ALOX5AP: variants seen among roughly 807,000 people sequenced by gnomAD.
ALOX5AP encodes the protein arachidonate 5-lipoxygenase activating protein.
Under a neutral mutation model 18.5 loss-of-function variants are expected in ALOX5AP, and 9 were observed. The observed-to-expected ratio is 0.49, with a 90% CI of 0.29 to 0.85. The LOEUF (loss-of-function observed/expected upper bound fraction) is 0.85, where lower values mean the gene tolerates loss of function less well. Ranked by LOEUF, ALOX5AP falls within the 40% of genes least tolerant of loss-of-function variation. ALOX5AP has a pLI of 0.08. For missense variants in ALOX5AP, 172 were observed against 202.5 expected (o/e 0.85, Z 0.91); for synonymous variants, 81 against 78.6 (o/e 1.03, Z -0.16).
At chr13:30,751,067 G>T (rs1018536556) in intron 2 of ALOX5AP, among the ~76,000 whole-genome samples, 1 of 152,022 alleles carries the variant, frequency 6.6e-6, no homozygotes, top group Non-Finnish European at 1.5e-5. Flanking sequence ...GTAAAAGGGT[G>T]TTTTTTGTTT....
intron 2 of ALOX5AP, among the ~76,000 whole-genome samples, chr13:30,750,007 A>G (rs1011227800): frequency 1.4e-4 from 21 of 152,224 alleles, no homozygotes; most frequent in African/African-American, 5.1e-4. Flanking sequence ...AATCACATGA[A>G]ACCCGTGGTT....
chr13:30,746,137 A>G (rs536520628), intron 2 of ALOX5AP, among the ~76,000 whole-genome samples: 6 of 152,366 alleles, frequency 3.9e-5, no homozygotes, highest in Admixed American at 1.3e-4. Flanking sequence ...TCCAAATTGC[A>G]GAAGTGCCCT....
intron 1 of ALOX5AP, among the ~76,000 whole-genome samples, chr13:30,719,337 A>G (rs1951575433): frequency 6.6e-6 from 1 of 152,230 alleles, no homozygotes; most frequent in African/African-American, 2.4e-5. Flanking sequence ...TTGCATGCAC[A>G]TGGTGCACTC....
intron 1 of ALOX5AP, among the ~76,000 whole-genome samples, chr13:30,716,607 C>T (rs9551956): frequency 1.3e-5 from 2 of 152,270 alleles, no homozygotes; most frequent in East Asian, 1.9e-4. Flanking sequence ...AATATCAGCC[C>T]CCCTGCAATG....
intron 1 of ALOX5AP, among the ~76,000 whole-genome samples, chr13:30,722,641 T>C (rs1432626611): frequency 1.3e-5 from 2 of 152,186 alleles, no homozygotes; most frequent in African/African-American, 2.4e-5. Flanking sequence ...AAACTGTATC[T>C]GATATAGTTT....
At chr13:30,744,238 A>C in intron 2 of ALOX5AP, 79 bp downstream of exon 2, 1 of 1,263,590 alleles carries the variant, frequency 7.9e-7, no homozygotes, top group Non-Finnish European at 1.1e-6. Context: ...GACCACCCTT[A>C]ATACCACATG....
At chr13:30,758,149 C>T (rs146723299) in intron 4 of ALOX5AP, among the ~76,000 whole-genome samples, 77 of 152,284 alleles carry the variant, frequency 5.1e-4, no homozygotes, top group African/African-American at 1.8e-3. Context: ...GTAATAGATA[C>T]TAGAAGAAAT....
At chr13:30,763,891 A>T in intron 4 of ALOX5AP, 53 bp from the exon 5 acceptor site, 1 of 1,540,844 alleles carries the variant, frequency 6.5e-7, no homozygotes, top group Admixed American at 1.8e-5. Flanking sequence ...TGTGTGTGTG[A>T]AATTGGTGTC....
chr13:30,748,908 C>A (rs1054322415), intron 2 of ALOX5AP, among the ~76,000 whole-genome samples: 1 of 152,244 alleles, frequency 6.6e-6, no homozygotes, highest in Non-Finnish European at 1.5e-5. Flanking sequence ...ACACGAGCAG[C>A]CACTGGGCAG....
At chr13:30,753,199 G>T (rs186979253) in intron 3 of ALOX5AP, among the ~76,000 whole-genome samples, 1 of 152,200 alleles carries the variant, frequency 6.6e-6, no homozygotes, top group Non-Finnish European at 1.5e-5. Flanking sequence ...TTCAGTGATA[G>T]AGAGCAGAGG....
intron 1 of ALOX5AP, among the ~76,000 whole-genome samples, chr13:30,728,666 C>G (rs1320416464): frequency 6.6e-6 from 1 of 152,202 alleles, no homozygotes; most frequent in African/African-American, 2.4e-5. Flanking sequence ...GCCTGGGTAA[C>G]AGTGATACCC....
At chr13:30,733,749 A>G, upstream of ALOX5AP, among the ~76,000 whole-genome samples, 1 of 152,236 alleles carries the variant, frequency 6.6e-6, no homozygotes, top group East Asian at 1.9e-4. Flanking sequence ...CCTGAATAGA[A>G]CAAAAAGCGG....
intron 2 of ALOX5AP, among the ~76,000 whole-genome samples, chr13:30,745,423 G>C (rs1216492814): frequency 6.6e-6 from 1 of 152,128 alleles, no homozygotes; most frequent in East Asian, 1.9e-4. Context: ...GACAGCCCCT[G>C]AGTACTCACA....
chr13:30,762,606 GA>G (rs1256592322), intron 4 of ALOX5AP, among the ~76,000 whole-genome samples: 1 of 150,008 alleles, frequency 6.7e-6, no homozygotes, highest in Non-Finnish European at 1.5e-5. Context: ...AAAAAGAAAA[GA>G]AAAAGAAAAA....
intron 1 of ALOX5AP, among the ~76,000 whole-genome samples, chr13:30,718,935 C>G (rs1256859468): frequency 2.6e-5 from 4 of 152,248 alleles, no homozygotes; most frequent in African/African-American, 9.6e-5. Flanking sequence ...TCTTGAGTGA[C>G]AGCAGCATCT....
At chr13:30,718,232 C>T (rs371338675) in intron 1 of ALOX5AP, among the ~76,000 whole-genome samples, 70 of 151,934 alleles carry the variant, frequency 4.6e-4, no homozygotes, top group African/African-American at 1.6e-3. Flanking sequence ...GTGCTGGGAT[C>T]ACAGGTGTGA....
At chr13:30,763,647 A>T (rs555301051) in intron 4 of ALOX5AP, among the ~76,000 whole-genome samples, 1 of 152,200 alleles carries the variant, frequency 6.6e-6, no homozygotes, top group Non-Finnish European at 1.5e-5. Context: ...CAGGCCATCA[A>T]GGAGCTCTGG....
At chr13:30,756,805 C>A (rs1593444730) in intron 4 of ALOX5AP, among the ~76,000 whole-genome samples, 1 of 62,292 alleles carries the variant, frequency 1.6e-5, no homozygotes. Flanking sequence ...AAAAGCAAAA[C>A]TCCATCTCAA....
chr13:30,722,958 T>C lies in ALOX5AP; in HGVS notation c.116+9117T>C, dbSNP rs370845722. On this transcript the variant is annotated intron_variant, in intron 1 of 5. Transcript: ENST00000617770. ...TCACCAGAAGCAGATGTTGGTTCCA[T>C]GCTTCTTGTACAGCCTGCAGAACCA... is the stretch of plus-strand genomic sequence containing the variant. Among the ~76,000 whole-genome samples, 26 of 152,334 alleles carry C rather than the reference T, an allele frequency of 1.7e-4. 1 individual carries two copies. Among genetic ancestry groups the C allele is most frequent in the East Asian group, 1.2e-3 (6 of 5,186 alleles).
Sources: allele counts gnomAD v4.1 joint callset (sites outside exome capture counted in the v4.1 genomes callset), GRCh38; gene constraint gnomAD v4.1.1; transcripts MANE v1.5; gene names NCBI Gene and HGNC (gene_info 2026-07-23, HGNC 2026-07-21).